The following WIPI1 variants were observed in gnomAD, a reference collection of about 807,000 sequenced individuals.
WIPI1 encodes WD repeat domain, phosphoinositide interacting 1.
Under a neutral mutation model 55.3 loss-of-function variants are expected in WIPI1, and 45 were observed. The observed-to-expected ratio is 0.81, with a 90% CI of 0.64 to 1.04. The LOEUF is 1.04. Among genes scored for constraint, WIPI1 ranks in the 50% least tolerant of loss-of-function variants. WIPI1 has a pLI of 0.00. For missense variants in WIPI1, 445 were observed against 559.0 expected (o/e 0.80, Z 2.06); for synonymous variants, 195 against 217.6 (o/e 0.90, Z 0.92).
chr17:68,433,778 T>TTTTTTTG (rs2083642939), intron 7 of WIPI1, among the ~76,000 whole-genome samples: 4 of 65,754 alleles, frequency 6.1e-5, no homozygotes, highest in African/African-American at 1.9e-4. Flanking sequence ...TTTTTTTTTT[T>TTTTTTTG]TTTTTTTTTT....
intron 6 of WIPI1, among the ~76,000 whole-genome samples, chr17:68,435,101 G>A (rs2083718943): frequency 6.6e-6 from 1 of 152,026 alleles, no homozygotes; most frequent in African/African-American, 2.4e-5. Context: ...CAGCTACTCG[G>A]GAGGCTGAGG....
intron 5 of WIPI1, 130 bp downstream of exon 5, chr17:68,436,252 G>C (rs764933877): frequency 1.3e-6 from 1 of 789,628 alleles, no homozygotes; most frequent in Non-Finnish European, 2.1e-6. Flanking sequence ...ACCTTCTCTT[G>C]AACAACTCCC....
chr17:68,439,853 C>A (rs1204313617), intron 4 of WIPI1, among the ~76,000 whole-genome samples: 3 of 152,154 alleles, frequency 2.0e-5, no homozygotes, highest in African/African-American at 7.2e-5. Context: ...AGATGCCAAG[C>A]CTTCGTTTCT....
intron 10 of WIPI1, 88 bp from the exon 11 acceptor site, chr17:68,427,341 T>C: frequency 1.0e-6 from 1 of 986,900 alleles, no homozygotes; most frequent in Non-Finnish European, 1.6e-6. Flanking sequence ...TGAAGAAGCC[T>C]GTGCTCAGCT....
At chr17:68,426,315 C>A in intron 11 of WIPI1, 140 bp from the exon 12 acceptor site, 1 of 693,432 alleles carries the variant, frequency 1.4e-6, no homozygotes, top group Non-Finnish European at 2.5e-6. Context: ...GGTACTGTGC[C>A]TAGGACAAGT....
At chr17:68,436,087 C>T (rs1031395164) in intron 5 of WIPI1, among the ~76,000 whole-genome samples, 2 of 152,268 alleles carry the variant, frequency 1.3e-5, no homozygotes, top group Non-Finnish European at 2.9e-5. Context: ...TGCACACTGT[C>T]TCAGGCTGTG....
At chr17:68,426,254 G>GGGGGGGGCCCCCCCCCCC in intron 11 of WIPI1, 79 bp from the exon 12 acceptor site, 2 of 816,918 alleles carry the variant, frequency 2.4e-6, no homozygotes, top group Non-Finnish European at 3.9e-6. Context: ...GGGAGCGGGG[G>GGGGGGGGCCCCCCCCCCC]CTCAAATAAA....
intron 8 of WIPI1, among the ~76,000 whole-genome samples, chr17:68,432,492 T>C (rs112748578): frequency 3.3e-5 from 5 of 152,334 alleles, no homozygotes; most frequent in East Asian, 1.9e-4. Flanking sequence ...TGTTTGCCTA[T>C]AGTCCCAGCA....
intron 5 of WIPI1, among the ~76,000 whole-genome samples, 158 bp downstream of exon 5, chr17:68,436,224 C>A (rs1242536752): frequency 6.6e-6 from 1 of 152,136 alleles, no homozygotes; most frequent in Non-Finnish European, 1.5e-5. Flanking sequence ...CACAGCAAGC[C>A]CGAGGGGAAA....
chr17:68,436,738 C>T (rs887887105), intron 4 of WIPI1, among the ~76,000 whole-genome samples: 1 of 152,230 alleles, frequency 6.6e-6, no homozygotes, highest in Non-Finnish European at 1.5e-5. Context: ...GGCACAGTGG[C>T]TCATGCCTGT....
At chr17:68,427,484 G>A (rs897081963) in intron 10 of WIPI1, 2 of 326,654 alleles carry the variant, frequency 6.1e-6, no homozygotes, top group Non-Finnish European at 1.1e-5. Context: ...AGCCTCCCGA[G>A]TAGCTGCGAC....
At chr17:68,445,399 C>G (rs1486168003) in intron 3 of WIPI1, among the ~76,000 whole-genome samples, 1 of 152,282 alleles carries the variant, frequency 6.6e-6, no homozygotes, top group East Asian at 1.9e-4. Flanking sequence ...GGTTTTACCC[C>G]TCTCTGAATA....
chr17:68,438,512 TGGAAATCTTACAA>T (rs1175013490), intron 4 of WIPI1, among the ~76,000 whole-genome samples: 17 of 152,146 alleles, frequency 1.1e-4, no homozygotes. Context: ...GTGAAGACTG[TGGAAATCTTACAA>T]GGACTAGCGT....
In WIPI1 at chr17:68,435,623, T is replaced by C. The variant is rs1275590992; in HGVS notation, c.618A>G (p.Glu206=). 1.2e-6 allele frequency: 2 copies of C among 1,614,020 alleles called. No individual in the cohort carries two copies. The highest frequency in any genetic ancestry group is 1.7e-5 in the Admixed American group (1 of 60,010). Residue 206 remains glutamate (E), a synonymous_variant, in exon 6 of 13, where the codon GAA becomes GAG. Coordinates refer to ENST00000262139, the MANE Select transcript of WIPI1 (RefSeq NM_017983.7). ...ASGSKLASAS[E]KGTVIRVFSV... ...GTGTTGGTGGGAGTGGACTCACTTT[T>C]TCAGACGCACTTGCTAGTTTGGAGC...
At chr17:68,452,516 G>C (rs569374363) in intron 2 of WIPI1, among the ~76,000 whole-genome samples, 2 of 152,320 alleles carry the variant, frequency 1.3e-5, no homozygotes, top group Non-Finnish European at 2.9e-5. Flanking sequence ...AGTGAGCCAA[G>C]ATCGTGCCAC....
chr17:68,447,533 C>T (rs975474786), intron 3 of WIPI1, among the ~76,000 whole-genome samples: 2 of 151,986 alleles, frequency 1.3e-5, no homozygotes, highest in Admixed American at 6.6e-5. Flanking sequence ...GGGCAAGTGC[C>T]ACCATGCCCA....
At chr17:68,450,188 G>T (rs182266013) in intron 3 of WIPI1, among the ~76,000 whole-genome samples, 4 of 152,290 alleles carry the variant, frequency 2.6e-5, no homozygotes, top group Admixed American at 2.0e-4. Context: ...GTCTTCAAGG[G>T]TTAGCTGGGA....
Position 68,449,992 on chromosome 17 carries a change from T to C in WIPI1, c.333+736A>G, listed in dbSNP as rs1016144219. 5.9e-5 allele frequency among the ~76,000 whole-genome samples: 9 copies of C among 152,028 alleles called. No homozygotes were observed. In the East Asian group the frequency reaches 1.5e-3, roughly 26 times the overall value. On this transcript the variant is annotated intron_variant, in intron 3 of 12. Coordinates refer to ENST00000262139, the MANE Select transcript of WIPI1 (RefSeq NM_017983.7). The stretch of plus-strand genomic sequence containing the variant: ...TGCCACTGCATTCCAGCCTGGGCAA[T>C]AGGGCAAGACCCTGTCTCAAAAACA...
intron 4 of WIPI1, among the ~76,000 whole-genome samples, chr17:68,443,904 T>C (rs2084180258): frequency 1.3e-5 from 2 of 152,244 alleles, no homozygotes; most frequent in Non-Finnish European, 2.9e-5. Context: ...ATTCATATAA[T>C]GTCATCTGCT....
Sources: allele counts gnomAD v4.1 joint callset (sites outside exome capture counted in the v4.1 genomes callset), GRCh38; gene constraint gnomAD v4.1.1; transcripts MANE v1.5; gene names NCBI Gene and HGNC (gene_info 2026-07-23, HGNC 2026-07-21).